SLIT2: variants seen among roughly 807,000 people sequenced by gnomAD.
The protein encoded by SLIT2 is slit homolog 2 protein.
A neutral mutation model predicts 185.7 loss-of-function variants in SLIT2; 41 were observed. That is an observed-to-expected ratio of 0.22 (90% CI 0.17 to 0.29). The LOEUF (loss-of-function observed/expected upper bound fraction) is 0.29. Among genes scored for constraint, SLIT2 ranks in the 10% least tolerant of loss-of-function variants. The pLI is 1.00. For missense variants in SLIT2, 1,571 were observed against 1,909.0 expected (o/e 0.82, Z 3.30); for synonymous variants, 693 against 680.2 (o/e 1.02, Z -0.29).
At chr4:20,348,545 G>A (rs1721622771) in intron 4 of SLIT2, among the ~76,000 whole-genome samples, 1 of 152,018 alleles carries the variant, frequency 6.6e-6, no homozygotes, top group African/African-American at 2.4e-5. Context: ...CACTGCACCC[G>A]GCCTGACTCA....
intron 9 of SLIT2, 31 bp downstream of exon 9, chr4:20,491,930 C>A (rs1399477781): frequency 6.2e-7 from 1 of 1,604,154 alleles, no homozygotes; most frequent in African/African-American, 1.3e-5. Context: ...CTTATCTCCC[C>A]ACCTTCCCGG....
chr4:20,294,311 T>A (rs1383390959), intron 4 of SLIT2, among the ~76,000 whole-genome samples: 5 of 150,604 alleles, frequency 3.3e-5, no homozygotes, highest in Non-Finnish European at 7.4e-5. Context: ...ATCACACCAC[T>A]GCACTCCATC....
In SLIT2 at chr4:20,533,355, A is replaced by T. The variant is rs550717028; in HGVS notation, c.1689-217A>T. 3.2e-4 allele frequency: 175 copies of T among 554,816 alleles called. 1 individual carries two copies. Among genetic ancestry groups the T allele is most frequent in the Non-Finnish European group, 9.1e-5 (28 of 308,140 alleles). The allele number at this position is 554,816 out of a possible 1,614,324, so 34.4% of individuals were successfully genotyped here. ...GGAGACCCTTGGAGAGTATGACATG[A>T]GTCACGCTGGCATTTTTTACCACAG... On this transcript the variant is annotated intron_variant, in intron 17 of 36. Transcript: ENST00000504154.
intron 3 of SLIT2, among the ~76,000 whole-genome samples, chr4:20,258,175 A>G (rs1402998407): frequency 6.6e-6 from 1 of 151,868 alleles, no homozygotes; most frequent in East Asian, 1.9e-4. Flanking sequence ...TATTTCCTTG[A>G]TAATCATTGC....
chr4:20,443,575 G>GA (rs974926053), intron 4 of SLIT2, among the ~76,000 whole-genome samples: 5 of 49,058 alleles, frequency 1.0e-4, no homozygotes, highest in African/African-American at 4.8e-4. Flanking sequence ...TAGCAGAGGA[G>GA]AAAATCTAAA....
intron 4 of SLIT2, among the ~76,000 whole-genome samples, chr4:20,345,326 C>T (rs1365695525): frequency 6.6e-6 from 1 of 152,012 alleles, no homozygotes; most frequent in Non-Finnish European, 1.5e-5. Flanking sequence ...AAACCTGTAG[C>T]TCTTTGGCTT....
chr4:20,504,971 G>A (rs971655949), intron 9 of SLIT2, among the ~76,000 whole-genome samples: 1 of 152,028 alleles, frequency 6.6e-6, no homozygotes, highest in Non-Finnish European at 1.5e-5. Flanking sequence ...ATAGGGTTCA[G>A]TACAATCTGT....
chr4:20,480,429 C>T (rs1256585024), intron 5 of SLIT2, among the ~76,000 whole-genome samples: 1 of 152,084 alleles, frequency 6.6e-6, no homozygotes, highest in Non-Finnish European at 1.5e-5. Context: ...GATAGCTTTT[C>T]TTGATCTAAT....
At chr4:20,580,132 C>T (rs1353798490) in intron 29 of SLIT2, among the ~76,000 whole-genome samples, 3 of 148,994 alleles carry the variant, frequency 2.0e-5, no homozygotes, top group Admixed American at 6.8e-5. Flanking sequence ...ATGATCTCAG[C>T]TCACTGCAAC....
At chr4:20,589,769 C>T (rs747140272) in intron 30 of SLIT2, 32 bp downstream of exon 30, 24 of 1,511,546 alleles carry the variant, frequency 1.6e-5, no homozygotes, top group Non-Finnish European at 2.0e-5. Context: ...TGCTCACAGT[C>T]AGGGTAGGGG....
chr4:20,510,116 G>T (rs922336101), intron 9 of SLIT2, among the ~76,000 whole-genome samples: 14 of 152,160 alleles, frequency 9.2e-5, no homozygotes, highest in African/African-American at 3.4e-4. Flanking sequence ...AGTTATGATT[G>T]TATCTAAAAT....
chr4:20,410,022 G>A (rs777936473), intron 4 of SLIT2, among the ~76,000 whole-genome samples: 1 of 152,020 alleles, frequency 6.6e-6, no homozygotes, highest in Non-Finnish European at 1.5e-5. Context: ...TAGGTTGTCT[G>A]TTCACTCTGT....
At chr4:20,595,548 G>T in intron 30 of SLIT2, 149 bp from the exon 31 acceptor site, 1 of 914,338 alleles carries the variant, frequency 1.1e-6, no homozygotes, top group South Asian at 1.6e-5. Context: ...AGAACAGTTC[G>T]ATTTTCTAGG....
chr4:20,438,935 G>C (rs576096142), intron 4 of SLIT2, among the ~76,000 whole-genome samples: 1 of 152,136 alleles, frequency 6.6e-6, no homozygotes, highest in South Asian at 2.1e-4. Flanking sequence ...CACCTTCCCT[G>C]TGTTTCTCTC....
chr4:20,260,235 T>G (rs542037089), intron 3 of SLIT2, among the ~76,000 whole-genome samples: 13 of 151,944 alleles, frequency 8.6e-5, no homozygotes, highest in African/African-American at 3.1e-4. Context: ...ACCAAAAAAT[T>G]GCTTGCTTTT....
chr4:20,521,942 A>C (rs867329377), intron 12 of SLIT2, among the ~76,000 whole-genome samples: 6 of 152,306 alleles, frequency 3.9e-5, no homozygotes, highest in African/African-American at 1.4e-4. Flanking sequence ...AGCTGTTACA[A>C]ATTTGTTAAA....
chr4:20,283,120 G>GCGCACACACACACACA lies in SLIT2; in HGVS notation c.395+14240_395+14241insGCACACACACACACAC, dbSNP rs143964894. Reference sequence around the variant, plus strand: ...TGCCTGTGTGCCTGTGTGCGCGCGCGCACACACACACACACACACACACAA... The same window carrying GCGCACACACACACACA: ...TGCCTGTGTGCCTGTGTGCGCGCGCGCGCACACACACACACACACACACACACACACACACACACAA... On this transcript the variant is annotated intron_variant, in intron 4 of 36. Coordinates refer to ENST00000504154, the MANE Select transcript of SLIT2 (RefSeq NM_004787.4). Among the ~76,000 whole-genome samples the GCGCACACACACACACA allele has an allele frequency of 3.7e-3, 550 of 149,946 alleles. 2 individuals carry two copies. Among genetic ancestry groups the GCGCACACACACACACA allele is most frequent in the African/African-American group, 0.013 (528 of 41,122 alleles).
chr4:20,517,215 C>T (rs1272003789), intron 11 of SLIT2, among the ~76,000 whole-genome samples: 1 of 152,156 alleles, frequency 6.6e-6, no homozygotes, highest in African/African-American at 2.4e-5. Context: ...TGAAGCCATA[C>T]CTTCTTTATC....
chr4:20,340,047 C>A (rs149831481), intron 4 of SLIT2, among the ~76,000 whole-genome samples: 171 of 152,208 alleles, frequency 1.1e-3, no homozygotes, highest in Non-Finnish European at 2.1e-3. Flanking sequence ...CCAAAACTTT[C>A]TTTTCTCCTT....
Sources: allele counts gnomAD v4.1 joint callset (sites outside exome capture counted in the v4.1 genomes callset), GRCh38; gene constraint gnomAD v4.1.1; transcripts MANE v1.5; gene names NCBI Gene and HGNC (gene_info 2026-07-23, HGNC 2026-07-21).